The following OPCML variants were observed in gnomAD, a reference collection of about 807,000 sequenced individuals.
The protein encoded by OPCML is opioid-binding protein/cell adhesion molecule.
In OPCML, 13 loss-of-function variants were observed where a neutral mutation model predicts 37.8. That is an observed-to-expected ratio of 0.34 (90% CI 0.22 to 0.55). OPCML has a LOEUF of 0.55. Among genes scored for constraint, OPCML ranks in the 20% least tolerant of loss-of-function variants. The pLI is 0.91. For missense variants in OPCML, 341 were observed against 435.6 expected (o/e 0.78, Z 1.93); for synonymous variants, 176 against 168.8 (o/e 1.04, Z -0.33).
chr11:132,921,112 G>A (rs1208795588), intron 2 of OPCML, among the ~76,000 whole-genome samples: 1 of 152,086 alleles, frequency 6.6e-6, no homozygotes, highest in African/African-American at 2.4e-5. Context: ...TTTCCTGATA[G>A]TACTGTGTGA....
At chr11:132,964,561 G>A (rs527714705) in intron 1 of OPCML, among the ~76,000 whole-genome samples, 13 of 152,244 alleles carry the variant, frequency 8.5e-5, no homozygotes, top group Admixed American at 2.6e-4. Context: ...GTCTAGAAAC[G>A]TTTGTTAAGA....
intron 1 of OPCML, among the ~76,000 whole-genome samples, chr11:133,145,232 A>G (rs1048744929): frequency 6.6e-6 from 1 of 152,218 alleles, no homozygotes; most frequent in Non-Finnish European, 1.5e-5. Flanking sequence ...GGTGCTGTGG[A>G]AATGTTCTAG....
At chr11:132,946,226 C>G (rs1005989550) in intron 1 of OPCML, among the ~76,000 whole-genome samples, 1 of 152,168 alleles carries the variant, frequency 6.6e-6, no homozygotes, top group Non-Finnish European at 1.5e-5. Context: ...ATAACATGCA[C>G]GGAGCTGTCA....
intron 2 of OPCML, among the ~76,000 whole-genome samples, chr11:132,684,294 A>G (rs1943075589): frequency 6.6e-6 from 1 of 152,158 alleles, no homozygotes; most frequent in African/African-American, 2.4e-5. Flanking sequence ...AACATCTTTG[A>G]GATAGGCAAC....
chr11:132,447,560 T>C (rs2096058729), intron 4 of OPCML, among the ~76,000 whole-genome samples: 1 of 152,084 alleles, frequency 6.6e-6, no homozygotes, highest in Admixed American at 6.6e-5. Flanking sequence ...TCCACCTGCC[T>C]TGGCCTCCCA....
At chr11:133,244,125 G>A (rs921687734) in intron 1 of OPCML, among the ~76,000 whole-genome samples, 1 of 152,208 alleles carries the variant, frequency 6.6e-6, no homozygotes, top group Non-Finnish European at 1.5e-5. Context: ...CAATAGCACT[G>A]CTAGCCCATT....
chr11:132,874,916 T>G (rs1328345951), intron 2 of OPCML, among the ~76,000 whole-genome samples: 1 of 152,178 alleles, frequency 6.6e-6, no homozygotes, highest in Non-Finnish European at 1.5e-5. Flanking sequence ...CATCCATATG[T>G]TTCTAACCTC....
chr11:132,612,453 C>A (rs1379691791), intron 3 of OPCML, among the ~76,000 whole-genome samples: 1 of 152,136 alleles, frequency 6.6e-6, no homozygotes, highest in East Asian at 1.9e-4. Context: ...ACATGAATAG[C>A]AGACTGTGAA....
chr11:133,391,705 A>G (rs1281913728), intron 1 of OPCML, among the ~76,000 whole-genome samples: 2 of 152,242 alleles, frequency 1.3e-5, no homozygotes, highest in Admixed American at 1.3e-4. Flanking sequence ...CAATGTTACC[A>G]TATGATTATT....
At chr11:132,972,163 C>T (rs1364036196) in intron 1 of OPCML, among the ~76,000 whole-genome samples, 1 of 152,064 alleles carries the variant, frequency 6.6e-6, no homozygotes, top group Non-Finnish European at 1.5e-5. Flanking sequence ...TAATGTCTTC[C>T]TGATTTTGGG....
intron 2 of OPCML, among the ~76,000 whole-genome samples, chr11:132,861,529 G>A (rs1942299433): frequency 6.6e-6 from 1 of 152,172 alleles, no homozygotes. Flanking sequence ...CAGTGTATGA[G>A]ATCCACTATT....
intron 1 of OPCML, among the ~76,000 whole-genome samples, chr11:133,078,746 A>C (rs773131654): frequency 6.6e-5 from 10 of 152,134 alleles, no homozygotes; most frequent in Non-Finnish European, 1.3e-4. Flanking sequence ...ACTGGCTCCG[A>C]TCAGGCACAA....
chr11:133,423,551 T>A (rs1945936986), intron 1 of OPCML: 3 of 893,278 alleles, frequency 3.4e-6, no homozygotes, highest in Non-Finnish European at 4.0e-6. Flanking sequence ...CAAAGGAATT[T>A]AATTCCTTGG....
intron 4 of OPCML, among the ~76,000 whole-genome samples, chr11:132,461,944 A>T (rs1015234911): frequency 6.6e-6 from 1 of 152,200 alleles, no homozygotes; most frequent in African/African-American, 2.4e-5. Context: ...GGTCCCTCCC[A>T]TGACACTTAG....
At chr11:133,513,168 A>AT (rs1028430782) in intron 1 of OPCML, among the ~76,000 whole-genome samples, 7 of 140,346 alleles carry the variant, frequency 5.0e-5, no homozygotes, top group African/African-American at 2.2e-4. Context: ...AGCCCCAAAC[A>AT]TTTAAAAAAA....
intron 1 of OPCML, among the ~76,000 whole-genome samples, chr11:133,011,331 G>C (rs941404234): frequency 2.6e-5 from 4 of 152,154 alleles, no homozygotes; most frequent in African/African-American, 7.2e-5. Flanking sequence ...AATAGTGAGG[G>C]CCAGTGTGAG....
At chr11:133,337,092 G>T (rs949811195) in intron 1 of OPCML, among the ~76,000 whole-genome samples, 1 of 152,144 alleles carries the variant, frequency 6.6e-6, no homozygotes, top group African/African-American at 2.4e-5. Context: ...CTCATGCCCT[G>T]GAAAGATGTT....
chr11:133,264,660 C>T (rs897711283), intron 1 of OPCML, among the ~76,000 whole-genome samples: 1 of 152,068 alleles, frequency 6.6e-6, no homozygotes, highest in African/African-American at 2.4e-5. Flanking sequence ...CACTTAGAAG[C>T]AAGTGCAAAC....
intron 1 of OPCML, among the ~76,000 whole-genome samples, chr11:133,133,487 C>T (rs1015682237): frequency 2.0e-5 from 3 of 152,164 alleles, no homozygotes; most frequent in African/African-American, 7.2e-5. Context: ...TCATCATTTA[C>T]TCTCCTCTCC....
Sources: allele counts gnomAD v4.1 joint callset (sites outside exome capture counted in the v4.1 genomes callset), GRCh38; gene constraint gnomAD v4.1.1; transcripts MANE v1.5; gene names NCBI Gene and HGNC (gene_info 2026-07-23, HGNC 2026-07-21).